The following LRRC56 variants were observed in gnomAD, a reference collection of about 807,000 sequenced individuals.
LRRC56 encodes the protein leucine rich repeat containing 56, also known as leucine-rich repeat-containing protein 56.
Under a neutral mutation model 47.8 loss-of-function variants are expected in LRRC56, and 41 were observed. The ratio of observed to expected loss-of-function variants is 0.86; its 90% CI spans 0.67 to 1.11. The LOEUF is 1.11. LRRC56 is among the 50% of genes most tolerant of loss of function. LRRC56 has a pLI of 0.00. For synonymous variants in LRRC56, 387 were observed against 311.2 expected, an observed-to-expected ratio of 1.24 and a Z score of -2.56; for missense variants, 759 against 704.2, an observed-to-expected ratio of 1.08 and a Z score of -0.88.
rs201646765 is a variant in LRRC56, at chr11:551,229, C to G, written c.723C>G (p.Ala241=). The change falls in exon 9 of 14, where the codon GCC becomes GCG. Residue 241 remains alanine (A), a synonymous_variant. Transcript: ENST00000270115. ...CGGCCGCACACACAGGCCCACCGGC[C>G]CCCCCGCGGCTGAGCCAGGACTGGC... is the stretch of plus-strand genomic sequence containing the variant. ...EVPAAHTGPP[A]PPRLSQDWLA... is the part of the protein sequence containing the mutation. 18 of 1,546,940 alleles carry G rather than the reference C, an allele frequency of 1.2e-5. No individual in the cohort carries two copies. The African/African-American group carries it at 1.5e-4, about 13-fold the overall frequency.
chr11:554,214 G>T lies in LRRC56; in HGVS notation c.1567G>T (p.Asp523Tyr), dbSNP rs10902171. ...ATGTCCTGGCCCAAAGCCAGCACCA[G>T]ATGCAGCAGCTAGACCTCCCAGGGC... ...QGCPGPKPAP[D>Y]AAARPPRAAE... Residue 523 changes from aspartate to tyrosine, a missense_variant, in exon 14 of 14, where the codon GAT (aspartate) becomes TAT (tyrosine). By Grantham distance (160) the Asp-to-Tyr change is radical (BLOSUM62 -3). Transcript: ENST00000270115. The T allele has an allele frequency of 6.5e-7, 1 of 1,534,288 alleles. No homozygotes were observed. Among genetic ancestry groups the T allele is most frequent in the Non-Finnish European group, 8.8e-7 (1 of 1,142,664 alleles).
In LRRC56 at chr11:554,286, C is replaced by T; in HGVS notation, c.*10C>T. 6.8e-7 allele frequency: 1 copy of T among 1,477,670 alleles called. No individual in the cohort carries two copies. The allele number at this position is 1,477,670 out of a possible 1,614,324, so 91.5% of individuals were successfully genotyped here. On this transcript the variant is annotated 3_prime_UTR_variant, in exon 14 of 14. Coordinates refer to ENST00000270115, the MANE Select transcript of LRRC56 (RefSeq NM_198075.4). ...CCCCGTCCCCACTTAATATAGCCCCCACTGCCAGGCTTCCCTGTGCTGGGG... is the reference window on the plus strand; with the variant it reads ...CCCCGTCCCCACTTAATATAGCCCCTACTGCCAGGCTTCCCTGTGCTGGGG...
chr11:543,519 A>G (rs762215229), intron 5 of LRRC56, among the ~76,000 whole-genome samples: 7 of 151,966 alleles, frequency 4.6e-5, no homozygotes, highest in Non-Finnish European at 1.0e-4. Flanking sequence ...CAGGCCCCAC[A>G]GTGACCTTTA....
chr11:512,718 C>T, the LRRC56 span, among the ~76,000 whole-genome samples: 1 of 152,180 alleles, frequency 6.6e-6, no homozygotes, highest in Admixed American at 6.5e-5. Context: ...TTGTATCTGA[C>T]TTCCTTTTCT....
chr11:524,789 A>G, the LRRC56 span, among the ~76,000 whole-genome samples: 1 of 152,056 alleles, frequency 6.6e-6, no homozygotes, highest in Non-Finnish European at 1.5e-5. Flanking sequence ...ACAATCTTGT[A>G]TAAGTATAAA....
Position 540,738 on chromosome 11 carries a change from C to T in LRRC56, c.54C>T (p.Val18=). The part of the protein sequence containing the change: ...SRGPRRSTSS[V]RVRELSWQGL... ...GGCCTCGGCGGAGCACCTCCAGCGT[C>T]CGGGTGCGGGAGCTGAGCTGGCAAG... is the stretch of plus-strand genomic sequence containing the variant. Residue 18 remains valine, a synonymous_variant, in exon 4 of 14, where the codon GTC becomes GTT. Transcript: ENST00000270115. 7.4e-6 allele frequency: 12 copies of T among 1,611,372 alleles called. No homozygotes were observed. The highest frequency in any genetic ancestry group is 9.3e-6 in the Non-Finnish European group (11 of 1,178,884).
chr11:534,009 C>T (rs2133992617), upstream of LRRC56: 2 of 1,544,254 alleles, frequency 1.3e-6, no homozygotes, highest in Non-Finnish European at 1.8e-6. Context: ...ACACAGCCAG[C>T]CTCTCCCTGG....
At chr11:523,597 C>T in the LRRC56 span, among the ~76,000 whole-genome samples, 1 of 145,888 alleles carries the variant, frequency 6.9e-6, no homozygotes, top group Non-Finnish European at 1.5e-5. Context: ...CGCCACTGCA[C>T]TCCAGCCTGG....
At chr11:525,890 C>G in the LRRC56 span, among the ~76,000 whole-genome samples, 1 of 150,558 alleles carries the variant, frequency 6.6e-6, no homozygotes. Context: ...GAGCCAGACC[C>G]TGTCTCCAAC....
intron 13 of LRRC56, 56 bp from the exon 14 acceptor site, chr11:553,907 G>A (rs531580084): frequency 1.3e-6 from 2 of 1,541,088 alleles, no homozygotes; most frequent in African/African-American, 1.4e-5. Context: ...TCCCCACCGG[G>A]TGACTCCCTT....
chr11:534,216 A>G (rs775056058), upstream of LRRC56: 3 of 1,610,908 alleles, frequency 1.9e-6, no homozygotes, highest in Non-Finnish European at 2.5e-6. Flanking sequence ...GCTCACCTCT[A>G]TAGTGGGGTC....
the LRRC56 span, among the ~76,000 whole-genome samples, chr11:518,542 C>T: frequency 6.6e-6 from 1 of 152,086 alleles, no homozygotes; most frequent in East Asian, 1.9e-4. Flanking sequence ...CCAGGCTGGT[C>T]TCCAACTCCT....
At chr11:550,714 G>A (rs1037124623) in intron 8 of LRRC56, among the ~76,000 whole-genome samples, 2 of 152,150 alleles carry the variant, frequency 1.3e-5, no homozygotes, top group Non-Finnish European at 2.9e-5. Flanking sequence ...AGGCCCTGGC[G>A]TAGCTCACAG....
chr11:515,368 A>C, the LRRC56 span, among the ~76,000 whole-genome samples: 1 of 152,180 alleles, frequency 6.6e-6, no homozygotes, highest in Admixed American at 6.5e-5. Flanking sequence ...TTGTCTTCTC[A>C]GGGCCTTTCA....
At chr11:553,592 G>A (rs968601081) in intron 13 of LRRC56, among the ~76,000 whole-genome samples, 3 of 152,168 alleles carry the variant, frequency 2.0e-5, no homozygotes, top group African/African-American at 7.2e-5. Context: ...GCGGGTGCTG[G>A]GGGACCCAAG....
upstream of LRRC56, chr11:534,370 C>T (rs769992892): frequency 8.9e-6 from 13 of 1,467,434 alleles, no homozygotes; most frequent in Admixed American, 1.4e-4. Flanking sequence ...GGGTCTCCTG[C>T]CCCACCTGCC....
At chr11:524,360 G>A in the LRRC56 span, among the ~76,000 whole-genome samples, 7 of 152,090 alleles carry the variant, frequency 4.6e-5, no homozygotes, top group Non-Finnish European at 1.0e-4. Flanking sequence ...GGCCGGGCGC[G>A]GTGGCTCACA....
At chr11:509,621 C>T in the LRRC56 span, among the ~76,000 whole-genome samples, 3 of 152,030 alleles carry the variant, frequency 2.0e-5, no homozygotes, top group East Asian at 1.9e-4. Flanking sequence ...GATCTCGGCT[C>T]ACTGTAAGCT....
At chr11:545,225 A>G (rs546024171) in intron 6 of LRRC56, among the ~76,000 whole-genome samples, 29 of 152,336 alleles carry the variant, frequency 1.9e-4, no homozygotes, top group Admixed American at 1.0e-3. Context: ...CAGTCATGCC[A>G]GGTCGTGTGG....
Sources: allele counts gnomAD v4.1 joint callset (sites outside exome capture counted in the v4.1 genomes callset), GRCh38; gene constraint gnomAD v4.1.1; transcripts MANE v1.5; gene names NCBI Gene and HGNC (gene_info 2026-07-23, HGNC 2026-07-21).